The following SMARCAL1 variants were observed in gnomAD, a reference collection of about 807,000 sequenced individuals.
SMARCAL1 encodes ATP-driven annealing helicase.
Under a neutral mutation model 94.5 loss-of-function variants are expected in SMARCAL1, and 58 were observed. The observed-to-expected ratio is 0.61, with a 90% CI of 0.50 to 0.76. The LOEUF (loss-of-function observed/expected upper bound fraction) is 0.76, where lower values mean the gene tolerates loss of function less well. Among genes scored for constraint, SMARCAL1 ranks in the 30% least tolerant of loss-of-function variants. The pLI is 0.00. For synonymous variants in SMARCAL1, 422 were observed against 455.1 expected (o/e 0.93, Z 0.93); for missense variants, 1,051 against 1,177.9 (o/e 0.89, Z 1.58).
At chr2:216,439,389 A>G (rs1417842588) in intron 10 of SMARCAL1, among the ~76,000 whole-genome samples, 1 of 152,114 alleles carries the variant, frequency 6.6e-6, no homozygotes, top group Non-Finnish European at 1.5e-5. Flanking sequence ...TTAGAAAAGT[A>G]GCCTTTTCTC....
chr2:216,432,656 A>C, intron 7 of SMARCAL1, 62 bp from the exon 8 acceptor site: 1 of 1,601,208 alleles, frequency 6.2e-7, no homozygotes, highest in Admixed American at 1.7e-5. Context: ...GACCCACCGG[A>C]CATGAGGGCA....
chr2:216,419,022 C>A (rs79519611), intron 4 of SMARCAL1, among the ~76,000 whole-genome samples: 1,946 of 152,240 alleles, frequency 0.013, 34 homozygotes, highest in Middle Eastern at 0.061. Flanking sequence ...TTTTTTCCTG[C>A]TTGATTTTAA....
In SMARCAL1 at chr2:216,444,631, G is replaced by C. The variant is rs146206151; in HGVS notation, c.1711-2387G>C. On this transcript the variant is annotated intron_variant, in intron 10 of 17. Transcript: ENST00000357276. ...GCCTCCCCTGTTCAAGTGATTCCCTGCGTCAGCCTCCTGAGTAGTGGGATT... is the reference window on the plus strand; with the variant it reads ...GCCTCCCCTGTTCAAGTGATTCCCTCCGTCAGCCTCCTGAGTAGTGGGATT... Among the ~76,000 whole-genome samples, 19 of 152,278 alleles carry C rather than the reference G, an allele frequency of 1.2e-4. No individual in the cohort carries two copies. The South Asian group carries it at 2.3e-3, about 18-fold the overall frequency.
intron 9 of SMARCAL1, among the ~76,000 whole-genome samples, chr2:216,437,858 A>G (rs907251448): frequency 7.9e-5 from 12 of 152,266 alleles, no homozygotes; most frequent in Non-Finnish European, 1.3e-4. Context: ...TGTTCTAAAC[A>G]TAGCAGTTCC....
At chr2:216,450,484 G>A (rs1694423954) in intron 11 of SMARCAL1, among the ~76,000 whole-genome samples, 1 of 152,194 alleles carries the variant, frequency 6.6e-6, no homozygotes, top group African/African-American at 2.4e-5. Context: ...CCATAGGGAA[G>A]ATTTAGTATT....
intron 11 of SMARCAL1, among the ~76,000 whole-genome samples, chr2:216,450,554 A>G (rs1694425572): frequency 6.6e-6 from 1 of 152,206 alleles, no homozygotes; most frequent in South Asian, 2.1e-4. Flanking sequence ...TAAAATGGAC[A>G]CCCAATTGCT....
At chr2:216,460,156 G>A (rs907849360) in intron 12 of SMARCAL1, among the ~76,000 whole-genome samples, 1 of 152,214 alleles carries the variant, frequency 6.6e-6, no homozygotes, top group African/African-American at 2.4e-5. Flanking sequence ...ACACCAGTTA[G>A]AATGGCGATC....
In SMARCAL1 at chr2:216,475,965, G is replaced by T. The variant is rs547638113; in HGVS notation, c.2427+514G>T. On this transcript the variant is annotated intron_variant, in intron 15 of 17. Transcript: ENST00000357276. This position sits in a 1 kb window ranked among gnomAD's most constrained non-coding sequence, Gnocchi z 4.4. ...CTGCCATAACTGAAGAGGGCACTTG[G>T]TGGCACCAGGTTGCAGCCCAGGCCT... Among the ~76,000 whole-genome samples the T allele has an allele frequency of 6.8e-4, 104 of 151,866 alleles. No individual in the cohort carries two copies. The highest frequency in any genetic ancestry group is 9.7e-4 in the Non-Finnish European group (66 of 67,992).
At chr2:216,437,980 G>A (rs1694114149) in intron 9 of SMARCAL1, among the ~76,000 whole-genome samples, 1 of 152,176 alleles carries the variant, frequency 6.6e-6, no homozygotes, top group Admixed American at 6.5e-5. Flanking sequence ...TTGTCAGTGT[G>A]TCTGGCATCC....
chr2:216,445,080 C>T (rs972122215), intron 10 of SMARCAL1, among the ~76,000 whole-genome samples: 1 of 152,090 alleles, frequency 6.6e-6, no homozygotes, highest in Non-Finnish European at 1.5e-5. Context: ...GCTTTTCTCC[C>T]TTAGGTGGGG....
chr2:216,456,544 C>T (rs1388169759), intron 12 of SMARCAL1, among the ~76,000 whole-genome samples: 1 of 71,732 alleles, frequency 1.4e-5, no homozygotes, highest in African/African-American at 8.3e-5. Context: ...CAATATTCAA[C>T]ATTCTTAAGA....
In SMARCAL1 at chr2:216,482,900, T is replaced by C. The variant is rs1216899726; in HGVS notation, c.2788T>C (p.Ser930Pro). Residue 930 changes from serine (S) to proline (P), a missense_variant, in exon 18 of 18, where the codon TCA becomes CCA. This residue lies in a region of SMARCAL1 where 642 missense variants were observed against 754.7 expected (regional missense o/e 0.85). Transcript: ENST00000357276. The surrounding 1 kb of genome is among the most constrained non-coding windows in gnomAD (Gnocchi z 4.3). ...CATGGGAGACACCCTGGATGAAAGCTCATTGACAGCCAGTCCACAGAAGAA... is the reference window on the plus strand; with the variant it reads ...CATGGGAGACACCCTGGATGAAAGCCCATTGACAGCCAGTCCACAGAAGAA... ...QNMGDTLDESSLTASPQKKRR... is the reference protein window; with the variant it reads ...QNMGDTLDESPLTASPQKKRR... The C allele has an allele frequency of 1.9e-6, 3 of 1,614,096 alleles. No individual in the cohort carries two copies. In the South Asian group the frequency reaches 3.3e-5, roughly 18 times the overall value.
At chr2:216,416,139 G>T in intron 3 of SMARCAL1, 118 bp from the exon 4 acceptor site, 2 of 811,912 alleles carry the variant, frequency 2.5e-6, no homozygotes, top group Non-Finnish European at 4.4e-6. Context: ...ATCAGTGGGG[G>T]CTTGCTGGTC....
At chr2:216,446,274 G>T (rs1482708823) in intron 10 of SMARCAL1, among the ~76,000 whole-genome samples, 1 of 152,214 alleles carries the variant, frequency 6.6e-6, no homozygotes, top group Non-Finnish European at 1.5e-5. Context: ...ATGCTAAGCA[G>T]GCTGCTGCAC....
chr2:216,472,747 C>T (rs1438125864), intron 14 of SMARCAL1, among the ~76,000 whole-genome samples: 2 of 150,382 alleles, frequency 1.3e-5, no homozygotes, highest in African/African-American at 4.9e-5. Context: ...AACGAAAACA[C>T]CCAATTTCAC....
At chr2:216,470,171 AG>A (rs139025785) in intron 14 of SMARCAL1, among the ~76,000 whole-genome samples, 1 of 151,378 alleles carries the variant, frequency 6.6e-6, no homozygotes, top group Non-Finnish European at 1.5e-5. Flanking sequence ...TTTGTTGGGG[AG>A]GGGGGTCTCG....
intron 10 of SMARCAL1, among the ~76,000 whole-genome samples, chr2:216,446,111 A>T (rs284547): frequency 0.72 from 109,633 of 151,986 alleles, 40,058 homozygotes; most frequent in African/African-American, 0.84. Flanking sequence ...CAGTAGGAAG[A>T]GTCTCTTTTT....
chr2:216,481,725 G>A lies in SMARCAL1; in HGVS notation c.2626-1013G>A, dbSNP rs558159493. On this transcript the variant is annotated intron_variant, in intron 17 of 17. Coordinates refer to ENST00000357276, the MANE Select transcript of SMARCAL1 (RefSeq NM_014140.4). Reference sequence around the variant, plus strand: ...TCACCACGTTGGCCAGGCTGGTCTCGAACTCCTGACCTCAGGCGATCCATC... The same window carrying A: ...TCACCACGTTGGCCAGGCTGGTCTCAAACTCCTGACCTCAGGCGATCCATC... Among the ~76,000 whole-genome samples, 9 of 148,808 alleles carry A rather than the reference G, an allele frequency of 6.0e-5. No homozygotes were observed. The East Asian group carries it at 1.2e-3, about 20-fold the overall frequency.
chr2:216,414,203 G>C (rs998872980), intron 2 of SMARCAL1: 1 of 153,770 alleles, frequency 6.5e-6, no homozygotes, highest in African/African-American at 2.4e-5. Context: ...TGTTGCCCAG[G>C]CTGGAGTGCG....
Sources: gnomAD v4.1 joint callset for allele counts (sites outside exome capture counted in the v4.1 genomes callset) on GRCh38, gnomAD v4.1.1 for gene constraint, gnomAD v4.1.1 regional missense constraint, Gnocchi (gnomAD v3.1) non-coding constraint, MANE v1.5 for transcripts, NCBI Gene and HGNC (gene_info 2026-07-23, HGNC 2026-07-21) for gene names.